Variants in NDRG2 observed in about 807,000 individuals in gnomAD.
NDRG2 encodes NDRG family member 2.
Under a neutral mutation model 58.2 loss-of-function variants are expected in NDRG2, and 34 were observed. The ratio of observed to expected loss-of-function variants is 0.58; its 90% CI spans 0.44 to 0.78. The LOEUF is 0.78. NDRG2 is among the 30% of genes least tolerant of loss of function. NDRG2 has a pLI of 0.00. For synonymous variants in NDRG2, 187 were observed against 175.9 expected (o/e 1.06, Z -0.50); for missense variants, 434 against 471.2 (o/e 0.92, Z 0.73).
intron 6 of NDRG2, 187 bp from the exon 7 acceptor site, chr14:21,021,031 G>A (rs1297650466): frequency 4.3e-6 from 3 of 698,516 alleles, no homozygotes; most frequent in Non-Finnish European, 7.8e-6. Flanking sequence ...GGGTAGTCAG[G>A]GTAGATACCT....
At chr14:21,048,268 A>G (rs2139129420) in intron 1 of NDRG2, 1 of 152,298 alleles carries the variant, frequency 6.6e-6, no homozygotes, top group Non-Finnish European at 1.5e-5. Context: ...TTACCTGTGC[A>G]AGACTCCAAA....
intron 1 of NDRG2, chr14:21,042,961 G>A (rs1474478301): frequency 2.5e-6 from 4 of 1,586,420 alleles, no homozygotes; most frequent in Admixed American, 1.7e-5. Context: ...AGCGACCCCT[G>A]CCCTCCATCC....
intron 1 of NDRG2, among the ~76,000 whole-genome samples, chr14:21,063,230 G>A (rs978673214): frequency 1.3e-5 from 2 of 152,150 alleles, no homozygotes; most frequent in African/African-American, 4.8e-5. Context: ...GTGTGTGTGT[G>A]TATGTGTGTG....
chr14:21,034,928 A>C (rs1344481848), intron 1 of NDRG2: 1 of 152,472 alleles, frequency 6.6e-6, no homozygotes, highest in African/African-American at 2.4e-5. Flanking sequence ...CCTTGCCAAA[A>C]GTTCCTAAGT....
At position 21,024,473 on chromosome 14, in the gene NDRG2, G is replaced by A. The variant is rs919076620; in HGVS notation, c.-450C>T. 1.0e-6 allele frequency: 1 copy of A among 968,478 alleles called. No homozygotes were observed. Among genetic ancestry groups the A allele is most frequent in the African/African-American group, 1.8e-5 (1 of 56,950 alleles). 60.0% of individuals were successfully genotyped at this position (968,478 alleles called of 1,614,324 possible). A position where few individuals can be genotyped will look rare whatever the true frequency, so the allele number is the denominator to read the frequency against. ...ATCTGCAGGGGGACTAAACGCGGGG[G>A]AATAGGGGATCCCCAAAATTTTTGA... On this transcript the variant is annotated 5_prime_UTR_variant, in exon 1 of 16. Transcript: ENST00000556147.
At chr14:21,062,094 A>G (rs147226970) in intron 1 of NDRG2, among the ~76,000 whole-genome samples, 346 of 152,378 alleles carry the variant, frequency 2.3e-3, no homozygotes, top group Non-Finnish European at 4.0e-3. Context: ...TAAGTTAAAC[A>G]TAAAAGCTTA....
intron 1 of NDRG2, among the ~76,000 whole-genome samples, chr14:21,044,563 C>A (rs187526184): frequency 6.6e-6 from 1 of 152,314 alleles, no homozygotes; most frequent in East Asian, 1.9e-4. Flanking sequence ...TGGCAGTCTG[C>A]CCAGGCCTGA....
At chr14:21,030,586 C>A, upstream of NDRG2, 1 of 1,613,454 alleles carries the variant, frequency 6.2e-7, no homozygotes, top group Non-Finnish European at 8.5e-7. Context: ...CTGACCATGG[C>A]ATCAGAGGCA....
intron 1 of NDRG2, among the ~76,000 whole-genome samples, chr14:21,066,162 T>C (rs1168384902): frequency 6.6e-6 from 1 of 152,042 alleles, no homozygotes; most frequent in Non-Finnish European, 1.5e-5. Context: ...GGCTGCAGGG[T>C]CACTAGTGGC....
At chr14:21,041,727 G>A (rs995975650) in intron 1 of NDRG2, among the ~76,000 whole-genome samples, 4 of 152,212 alleles carry the variant, frequency 2.6e-5, no homozygotes, top group Admixed American at 2.0e-4. Context: ...AAGTGAAATT[G>A]AGAGGTGTTG....
At chr14:21,065,066 GA>G (rs1218521139) in intron 1 of NDRG2, among the ~76,000 whole-genome samples, 1 of 152,092 alleles carries the variant, frequency 6.6e-6, no homozygotes, top group African/African-American at 2.4e-5. Context: ...AGCTACTTGG[GA>G]GGCTGAGGCA....
At chr14:21,025,219 G>T, upstream of NDRG2, 11 of 851,580 alleles carry the variant, frequency 1.3e-5, no homozygotes, top group Non-Finnish European at 1.6e-5. This position sits in a 1 kb window ranked among gnomAD's most constrained non-coding sequence, Gnocchi z 5.1. Context: ...CTCAGGAAAG[G>T]GTTGTGCTGG....
upstream of NDRG2, among the ~76,000 whole-genome samples, chr14:21,026,698 C>A (rs1883682471): frequency 2.0e-5 from 3 of 152,046 alleles, no homozygotes; most frequent in South Asian, 4.1e-4. Flanking sequence ...CCCCCTACAT[C>A]CCCCAATTTG....
At chr14:21,064,989 G>A (rs1886186136) in intron 1 of NDRG2, among the ~76,000 whole-genome samples, 1 of 152,140 alleles carries the variant, frequency 6.6e-6, no homozygotes, top group African/African-American at 2.4e-5. Flanking sequence ...TGAGCAACAT[G>A]CTGAAACCAC....
chr14:21,026,152 GCA>G (rs147701833), upstream of NDRG2, among the ~76,000 whole-genome samples: 49 of 149,592 alleles, frequency 3.3e-4, no homozygotes, highest in East Asian at 4.9e-3. Flanking sequence ...ACACGCACAC[GCA>G]CACACACACA....
intron 1 of NDRG2, among the ~76,000 whole-genome samples, chr14:21,049,451 G>C (rs1204944280): frequency 6.6e-6 from 1 of 152,132 alleles, no homozygotes; most frequent in Non-Finnish European, 1.5e-5. Context: ...AACTAACTGT[G>C]GTGTGAATTA....
At chr14:21,032,132 G>A in intron 1 of NDRG2, 1 of 1,564,880 alleles carries the variant, frequency 6.4e-7, no homozygotes, top group Middle Eastern at 1.7e-4. Flanking sequence ...TTAACACCAG[G>A]GAGCTTGGAA....
At chr14:21,025,238 G>C, upstream of NDRG2, 1 of 841,866 alleles carries the variant, frequency 1.2e-6, no homozygotes, top group Non-Finnish European at 1.4e-6. The surrounding 1 kb of genome is among the most constrained non-coding windows in gnomAD (Gnocchi z 5.1). Flanking sequence ...GGGGCCGGGG[G>C]GCGAGGGGCG....
intron 1 of NDRG2, among the ~76,000 whole-genome samples, chr14:21,064,516 C>T (rs1169678957): frequency 6.6e-6 from 1 of 152,050 alleles, no homozygotes; most frequent in Non-Finnish European, 1.5e-5. Flanking sequence ...TGGCCAGGCT[C>T]GTCTTGAACT....
Sources: gnomAD v4.1 joint callset for allele counts (sites outside exome capture counted in the v4.1 genomes callset) on GRCh38, gnomAD v4.1.1 for gene constraint, Gnocchi (gnomAD v3.1) non-coding constraint, MANE v1.5 for transcripts, NCBI Gene and HGNC (gene_info 2026-07-23, HGNC 2026-07-21) for gene names.